The following DPYSL3 variants were observed in gnomAD, a reference collection of about 807,000 sequenced individuals.
The protein encoded by DPYSL3 is dihydropyrimidinase-related protein 3.
Under a neutral mutation model 66.1 loss-of-function variants are expected in DPYSL3, and 16 were observed. The observed-to-expected ratio is 0.24, with a 90% CI of 0.16 to 0.37. The LOEUF (loss-of-function observed/expected upper bound fraction) is 0.37, where lower values mean the gene tolerates loss of function less well. Among genes scored for constraint, DPYSL3 ranks in the 10% least tolerant of loss-of-function variants. The pLI is 1.00. For synonymous variants in DPYSL3, 338 were observed against 345.1 expected (o/e 0.98, Z 0.23); for missense variants, 738 against 916.2 (o/e 0.81, Z 2.51).
intron 1 of DPYSL3, among the ~76,000 whole-genome samples, chr5:147,470,860 A>G (rs1282318026): frequency 2.0e-5 from 3 of 152,092 alleles, no homozygotes; most frequent in Admixed American, 6.5e-5. Flanking sequence ...TCTGACATCT[A>G]TGCAGTTTCC....
At chr5:147,486,300 G>A (rs1427595771) in intron 1 of DPYSL3, among the ~76,000 whole-genome samples, 4 of 152,150 alleles carry the variant, frequency 2.6e-5, no homozygotes, top group African/African-American at 4.8e-5. Flanking sequence ...GGTTAAAAAG[G>A]TAAGTTTATG....
intron 8 of DPYSL3, among the ~76,000 whole-genome samples, chr5:147,403,783 G>C (rs1458963422): frequency 6.6e-6 from 1 of 152,104 alleles, no homozygotes; most frequent in East Asian, 1.9e-4. Flanking sequence ...GACGGTCCAT[G>C]AGTTGTTTAC....
At chr5:147,461,290 T>C (rs1752927486) in intron 1 of DPYSL3, among the ~76,000 whole-genome samples, 1 of 152,204 alleles carries the variant, frequency 6.6e-6, no homozygotes. Flanking sequence ...CCTTCTGCAA[T>C]GGCATACCTA....
At chr5:147,465,685 C>A (rs1221464643) in intron 1 of DPYSL3, among the ~76,000 whole-genome samples, 2 of 152,196 alleles carry the variant, frequency 1.3e-5, no homozygotes, top group African/African-American at 4.8e-5. Flanking sequence ...GCCCCGCCGA[C>A]CCAGGGCATA....
At chr5:147,480,284 AG>A (rs1194778357) in intron 1 of DPYSL3, among the ~76,000 whole-genome samples, 1 of 152,210 alleles carries the variant, frequency 6.6e-6, no homozygotes, top group African/African-American at 2.4e-5. Flanking sequence ...AGGAGCAGTC[AG>A]GTAGAGATCC....
chr5:147,463,171 C>T (rs975956463), intron 1 of DPYSL3, among the ~76,000 whole-genome samples: 2 of 152,156 alleles, frequency 1.3e-5, no homozygotes, highest in Non-Finnish European at 2.9e-5. Context: ...TTAGCACACA[C>T]CTGTGGCCCT....
At chr5:147,426,527 T>TTC (rs1455564901) in intron 1 of DPYSL3, among the ~76,000 whole-genome samples, 1 of 152,164 alleles carries the variant, frequency 6.6e-6, no homozygotes, top group African/African-American at 2.4e-5. Flanking sequence ...AGGGCCAATG[T>TTC]TCTCCATGGC....
chr5:147,451,330 A>G (rs1007833178), intron 1 of DPYSL3, among the ~76,000 whole-genome samples: 10 of 152,212 alleles, frequency 6.6e-5, no homozygotes, highest in African/African-American at 2.4e-4. Flanking sequence ...CCCAGCTTCA[A>G]GGCAGAGGCT....
intron 1 of DPYSL3, among the ~76,000 whole-genome samples, chr5:147,449,599 T>C (rs1752689492): frequency 6.6e-6 from 1 of 152,208 alleles, no homozygotes; most frequent in African/African-American, 2.4e-5. Context: ...AGCCTCAGCT[T>C]TGAAGCTGGA....
At position 147,415,746 on chromosome 5, in the gene DPYSL3, G is replaced by A. The variant is rs761152983; in HGVS notation, c.783C>T (p.Ser261=). The change falls in exon 4 of 14, where the codon AGC becomes AGT. Residue 261 remains serine, a synonymous_variant. Transcript: ENST00000343218. ...TGAGGTTCTGCACTTCCTGCTTGAC[G>A]CTGTCATTCCAGTGGGTGATGTCCA... ...LHVDITHWND[S]VKQEVQNLIK... 16 of 1,614,038 alleles carry A rather than the reference G, an allele frequency of 9.9e-6. No individual in the cohort carries two copies. The highest frequency in any genetic ancestry group is 2.2e-5 in the East Asian group (1 of 44,852).
At chr5:147,498,310 T>C (rs1046502955) in intron 1 of DPYSL3, among the ~76,000 whole-genome samples, 3 of 152,234 alleles carry the variant, frequency 2.0e-5, no homozygotes, top group African/African-American at 7.2e-5. Flanking sequence ...GGTGTATATG[T>C]ACCACGTTTT....
intron 1 of DPYSL3, among the ~76,000 whole-genome samples, chr5:147,499,475 T>C (rs1753571330): frequency 6.6e-6 from 1 of 152,184 alleles, no homozygotes; most frequent in South Asian, 2.1e-4. Context: ...TAAAGAAACA[T>C]GTGCAACTTA....
At chr5:147,427,756 G>A (rs961707438) in intron 1 of DPYSL3, among the ~76,000 whole-genome samples, 1 of 152,124 alleles carries the variant, frequency 6.6e-6, no homozygotes, top group Non-Finnish European at 1.5e-5. Context: ...ACAGTTCTAT[G>A]TGTGTCCAGG....
intron 13 of DPYSL3, among the ~76,000 whole-genome samples, chr5:147,394,405 G>A (rs1757909721): frequency 6.6e-6 from 1 of 152,172 alleles, no homozygotes; most frequent in African/African-American, 2.4e-5. Context: ...ACAAAGACGT[G>A]ACACTCATTG....
intron 1 of DPYSL3, among the ~76,000 whole-genome samples, chr5:147,455,528 G>A (rs1752835102): frequency 6.6e-6 from 1 of 152,204 alleles, no homozygotes; most frequent in South Asian, 2.1e-4. Context: ...TAAGTGCTGA[G>A]ACCACTAGCC....
chr5:147,425,811 T>C (rs1362340971), intron 1 of DPYSL3, among the ~76,000 whole-genome samples: 3 of 152,218 alleles, frequency 2.0e-5, no homozygotes, highest in African/African-American at 7.2e-5. Flanking sequence ...AGTGTCAACC[T>C]GACAGATCAC....
intron 1 of DPYSL3, among the ~76,000 whole-genome samples, chr5:147,461,694 G>A (rs1190299293): frequency 6.6e-6 from 1 of 152,136 alleles, no homozygotes; most frequent in Non-Finnish European, 1.5e-5. Flanking sequence ...TATCAACATA[G>A]CTTCTCTGTT....
chr5:147,462,968 A>C (rs1408117565), intron 1 of DPYSL3, among the ~76,000 whole-genome samples: 1 of 152,164 alleles, frequency 6.6e-6, no homozygotes, highest in Admixed American at 6.5e-5. Flanking sequence ...CCACGCAGCC[A>C]CAAATGCCCA....
At position 147,400,689 on chromosome 5, in the gene DPYSL3, T is replaced by C. The variant is rs1758145042; in HGVS notation, c.1452+3A>G. On this transcript the variant is annotated splice_donor_region_variant and intron_variant, in intron 10 of 13. Transcript: ENST00000343218. ...CCACCCTCCCATGACCTCCATGCCT[T>C]ACCACAGCCTTGTCCCAGATGACAG... 2 of 1,613,800 alleles carry C rather than the reference T, an allele frequency of 1.2e-6. No homozygotes were observed. The highest frequency in any genetic ancestry group is 1.7e-6 in the Non-Finnish European group (2 of 1,179,870).
Sources: gnomAD v4.1 joint callset for allele counts (sites outside exome capture counted in the v4.1 genomes callset) on GRCh38, gnomAD v4.1.1 for gene constraint, MANE v1.5 for transcripts, NCBI Gene and HGNC (gene_info 2026-07-23, HGNC 2026-07-21) for gene names.